Variants in POU2AF1 observed in about 807,000 individuals in gnomAD.
The protein encoded by POU2AF1 is POU domain class 2-associating factor 1.
In POU2AF1, 12 loss-of-function variants were observed where a neutral mutation model predicts 26.3. The observed-to-expected ratio is 0.46, with a 90% CI of 0.29 to 0.74. The LOEUF (loss-of-function observed/expected upper bound fraction) is 0.74. POU2AF1 is among the 30% of genes least tolerant of loss of function. The probability of loss-of-function intolerance (pLI) is 0.09; values close to 1 mark genes in which losing one functional copy is unlikely to be tolerated. For synonymous variants in POU2AF1, 175 were observed against 148.0 expected (o/e 1.18, Z -1.32); for missense variants, 297 against 334.5 (o/e 0.89, Z 0.87).
intron 1 of POU2AF1, 148 bp downstream of exon 1, chr11:111,379,014 C>CCCCCCCCCCCCCCG: frequency 5.4e-6 from 2 of 368,410 alleles, no homozygotes; most frequent in South Asian, 3.2e-5. Flanking sequence ...CCACCTCCCC[C>CCCCCCCCCCCCCCG]CTCCCTGCTC....
intron 1 of POU2AF1, among the ~76,000 whole-genome samples, chr11:111,372,029 TAC>T (rs374971894): frequency 0.23 from 28,020 of 120,576 alleles, 3,485 homozygotes; most frequent in Non-Finnish European, 0.25. Flanking sequence ...CACACACAAA[TAC>T]ACACACACAC....
At chr11:111,362,025 C>T (rs917040441) in intron 1 of POU2AF1, among the ~76,000 whole-genome samples, 1 of 152,210 alleles carries the variant, frequency 6.6e-6, no homozygotes, top group African/African-American at 2.4e-5. Context: ...GTTCCATTTG[C>T]CACTTTCCCT....
In POU2AF1 at chr11:111,359,798, A is replaced by G. The variant is rs185272207; in HGVS notation, c.17-880T>C. ...GTACCTTATTTCTCTATGTCTTCCC[A>G]GTGGCATGCCCATGCGTTTTAAGCT... is the stretch of plus-strand genomic sequence containing the variant. On this transcript the variant is annotated intron_variant, in intron 1 of 4. Coordinates refer to ENST00000393067, the MANE Select transcript of POU2AF1 (RefSeq NM_006235.3). Among the ~76,000 whole-genome samples, 39 of 152,320 alleles carry G rather than the reference A, an allele frequency of 2.6e-4. 1 individual carries two copies. Among genetic ancestry groups the G allele is most frequent in the Admixed American group, 2.2e-3 (34 of 15,306 alleles).
chr11:111,357,743 T>A, intron 3 of POU2AF1, 33 bp from the exon 4 acceptor site: 1 of 1,612,128 alleles, frequency 6.2e-7, no homozygotes, highest in Non-Finnish European at 8.5e-7. Context: ...GAACTTCAGA[T>A]GCCACCCAGA....
chr11:111,369,855 A>G (rs1861174616), intron 1 of POU2AF1, among the ~76,000 whole-genome samples: 1 of 152,222 alleles, frequency 6.6e-6, no homozygotes, highest in South Asian at 2.1e-4. Flanking sequence ...AGAATTGCCC[A>G]TCTGAGCTAG....
chr11:111,376,040 T>C (rs1861304703), intron 1 of POU2AF1, among the ~76,000 whole-genome samples: 1 of 152,238 alleles, frequency 6.6e-6, no homozygotes, highest in Non-Finnish European at 1.5e-5. Flanking sequence ...TTAACTATTC[T>C]AATCAAAGTG....
intron 2 of POU2AF1, among the ~76,000 whole-genome samples, chr11:111,358,446 A>ACACTCACACACCCT (rs753932393): frequency 9.9e-6 from 1 of 101,022 alleles, no homozygotes; most frequent in Non-Finnish European, 2.2e-5. Context: ...TCACTCTCAC[A>ACACTCACACACCCT]CACACACACT....
At chr11:111,369,892 C>T (rs1417113109) in intron 1 of POU2AF1, among the ~76,000 whole-genome samples, 1 of 152,188 alleles carries the variant, frequency 6.6e-6, no homozygotes, top group Admixed American at 6.5e-5. Flanking sequence ...GGTTAGGCAG[C>T]TGGAGGAGGC....
In POU2AF1 at chr11:111,365,872, A is replaced by G. The variant is rs537061993; in HGVS notation, c.17-6954T>C. On this transcript the variant is annotated intron_variant, in intron 1 of 4. Coordinates refer to ENST00000393067, the MANE Select transcript of POU2AF1 (RefSeq NM_006235.3). Reference sequence around the variant, plus strand: ...AACTCCATCTCAAAAAAAAAAAAAAAAGAATTGTTTACATTTTCATGCAAA... The same window carrying G: ...AACTCCATCTCAAAAAAAAAAAAAAGAGAATTGTTTACATTTTCATGCAAA... Among the ~76,000 whole-genome samples the G allele has an allele frequency of 6.2e-5, 9 of 144,072 alleles. No individual in the cohort carries two copies. In the East Asian group the frequency reaches 1.6e-3, roughly 26 times the overall value. 94.5% of individuals were successfully genotyped at this position (144,072 alleles called of 152,430 possible).
At chr11:111,379,080 C>T (rs1861370572) in intron 1 of POU2AF1, 82 bp downstream of exon 1, 11 of 1,586,390 alleles carry the variant, frequency 6.9e-6, no homozygotes, top group South Asian at 1.1e-5. Context: ...CCACCACCAG[C>T]TCCCCAATTC....
chr11:111,378,550 TC>T (rs1375449770), intron 1 of POU2AF1, among the ~76,000 whole-genome samples: 19 of 152,206 alleles, frequency 1.2e-4, no homozygotes, highest in African/African-American at 4.6e-4. Flanking sequence ...ACCCACTGCA[TC>T]CTTTGCAGTG....
chr11:111,367,571 G>A (rs546639948), intron 1 of POU2AF1, among the ~76,000 whole-genome samples: 1 of 152,036 alleles, frequency 6.6e-6, no homozygotes, highest in African/African-American at 2.4e-5. Flanking sequence ...TGCCTGCCTT[G>A]TCTCTGCCCG....
intron 1 of POU2AF1, among the ~76,000 whole-genome samples, chr11:111,375,590 G>C (rs1351973137): frequency 6.6e-6 from 1 of 151,680 alleles, no homozygotes; most frequent in Non-Finnish European, 1.5e-5. Context: ...TAGTAGAGAC[G>C]GGGTTTCACC....
chr11:111,357,241 C>T (rs921625416), intron 4 of POU2AF1, among the ~76,000 whole-genome samples: 6 of 152,070 alleles, frequency 3.9e-5, no homozygotes, highest in African/African-American at 1.4e-4. Context: ...GAAAGTATGA[C>T]GAGAGAGGCT....
At chr11:111,357,344 G>T in intron 4 of POU2AF1, 101 bp downstream of exon 4, 2 of 1,516,734 alleles carry the variant, frequency 1.3e-6, no homozygotes, top group South Asian at 1.2e-5. Context: ...TGATTATCTT[G>T]AGAATCAATA....
At chr11:111,364,672 G>C (rs1203003614) in intron 1 of POU2AF1, among the ~76,000 whole-genome samples, 1 of 152,202 alleles carries the variant, frequency 6.6e-6, no homozygotes, top group Non-Finnish European at 1.5e-5. Flanking sequence ...CAGGCACCAG[G>C]GTGGATAACA....
In POU2AF1 at chr11:111,352,956, A is replaced by T. The variant is rs1383112779; in HGVS notation, c.*1305T>A. On this transcript the variant is annotated 3_prime_UTR_variant, in exon 5 of 5. Coordinates refer to ENST00000393067, the MANE Select transcript of POU2AF1 (RefSeq NM_006235.3). ...CCAAAAAAAACCAAAAAAAAGAAAGAAAGAGAGAGGAAGGAAGGAAGGAAG... is the reference window on the plus strand; with the variant it reads ...CCAAAAAAAACCAAAAAAAAGAAAGTAAGAGAGAGGAAGGAAGGAAGGAAG... The T allele has an allele frequency of 1.2e-5, 2 of 170,684 alleles. No homozygotes were observed. Among genetic ancestry groups the T allele is most frequent in the African/African-American group, 5.0e-5 (2 of 39,746 alleles). The allele number at this position is 170,684 out of a possible 1,614,324, so 10.6% of individuals were successfully genotyped here. A position where few individuals can be genotyped will look rare whatever the true frequency, so the allele number is the denominator to read the frequency against.
chr11:111,361,785 T>C (rs997485251), intron 1 of POU2AF1, among the ~76,000 whole-genome samples: 1 of 152,196 alleles, frequency 6.6e-6, no homozygotes, highest in African/African-American at 2.4e-5. Context: ...TGTTGTAGGG[T>C]AATTTAAGAT....
intron 2 of POU2AF1, among the ~76,000 whole-genome samples, chr11:111,358,446 A>ACACTCACACACACT (rs753932393): frequency 0.049 from 4,928 of 100,826 alleles, 475 homozygotes; most frequent in African/African-American, 0.065. Context: ...TCACTCTCAC[A>ACACTCACACACACT]CACACACACT....
Sources: gnomAD v4.1 joint callset for allele counts (sites outside exome capture counted in the v4.1 genomes callset) on GRCh38, gnomAD v4.1.1 for gene constraint, MANE v1.5 for transcripts, NCBI Gene and HGNC (gene_info 2026-07-23, HGNC 2026-07-21) for gene names.